The following HERC2 variants were observed in gnomAD, a reference collection of about 807,000 sequenced individuals.
The protein encoded by HERC2 is HECT and RLD domain containing E3 ubiquitin protein ligase 2.
HERC2 carries 102 observed loss-of-function variants against 537.7 expected under a neutral mutation model. The observed-to-expected ratio is 0.19, with a 90% CI of 0.16 to 0.22. The LOEUF is 0.22. Ranked by LOEUF, HERC2 falls within the 10% of genes least tolerant of loss-of-function variation. The pLI, the probability that HERC2 is intolerant of heterozygous loss-of-function variation, is 1.00. For synonymous variants in HERC2, 2,224 were observed against 2,466.2 expected (o/e 0.90, Z 2.91); for missense variants, 4,236 against 6,198.2 (o/e 0.68, Z 10.63).
At chr15:28,153,610 C>T (rs1344660721) in intron 69 of HERC2, among the ~76,000 whole-genome samples, 1 of 152,076 alleles carries the variant, frequency 6.6e-6, no homozygotes, top group African/African-American at 2.4e-5. Context: ...GAGACTGCAC[C>T]ACTGCACTCC....
At chr15:28,308,639 G>A (rs1239013521) in intron 2 of HERC2, among the ~76,000 whole-genome samples, 3 of 152,224 alleles carry the variant, frequency 2.0e-5, no homozygotes, top group African/African-American at 7.2e-5. Context: ...GATCTTAGAG[G>A]AAAGACTTTC....
intron 8 of HERC2, 141 bp downstream of exon 8, chr15:28,272,753 G>C (rs1414708327): frequency 1.5e-5 from 9 of 603,942 alleles, no homozygotes; most frequent in Non-Finnish European, 2.3e-5. Flanking sequence ...GGTAAAGAGA[G>C]AGAGCCCTGG....
intron 86 of HERC2, among the ~76,000 whole-genome samples, chr15:28,119,745 CCAA>C (rs1888676500): frequency 6.6e-6 from 1 of 152,140 alleles, no homozygotes; most frequent in Admixed American, 6.5e-5. Context: ...TGAGCCACCA[CCAA>C]CGACTAATAT....
chr15:28,138,410 T>C (rs1189553369), intron 78 of HERC2, among the ~76,000 whole-genome samples: 2 of 152,238 alleles, frequency 1.3e-5, no homozygotes, highest in South Asian at 2.1e-4. Context: ...ACTATATTAG[T>C]TGAATTCATT....
chr15:28,249,980 G>A (rs566336124), intron 20 of HERC2, among the ~76,000 whole-genome samples: 1 of 152,190 alleles, frequency 6.6e-6, no homozygotes, highest in East Asian at 1.9e-4. Context: ...TTATGTCAAT[G>A]TGAAAGCAAA....
rs1215772839 is a variant in HERC2 at position 28,220,744 on chromosome 15, C to T, written c.5653-100G>A. On this transcript the variant is annotated intron_variant, in intron 36 of 92. Coordinates refer to ENST00000261609, the MANE Select transcript of HERC2 (RefSeq NM_004667.6). ...CTCAGTTAGGAGGGTGCATGCCCTG[C>T]CCTGGTCCTTCCATGGCTCCCAGCA... 2.0e-5 allele frequency: 19 copies of T among 936,514 alleles called. No individual in the cohort carries two copies. In the African/African-American group the frequency reaches 2.8e-4, roughly 14 times the overall value. 58.0% of individuals were successfully genotyped at this position (936,514 alleles called of 1,614,324 possible). A position where few individuals can be genotyped will look rare whatever the true frequency, so the allele number is the denominator to read the frequency against.
chr15:28,127,326 T>A (rs1018602875), intron 83 of HERC2, among the ~76,000 whole-genome samples: 5 of 152,124 alleles, frequency 3.3e-5, no homozygotes. Context: ...GACCCCCACA[T>A]GCAAGGGGAG....
chr15:28,219,199 G>C (rs556901365), intron 37 of HERC2, among the ~76,000 whole-genome samples: 2 of 152,258 alleles, frequency 1.3e-5, no homozygotes, highest in Non-Finnish European at 2.9e-5. Flanking sequence ...TGAGCTGGCT[G>C]TGTCCTAGAT....
intron 65 of HERC2, among the ~76,000 whole-genome samples, chr15:28,173,032 T>C (rs887497658): frequency 6.6e-6 from 1 of 152,156 alleles, no homozygotes; most frequent in African/African-American, 2.4e-5. Context: ...GAAATGCAAA[T>C]TGAAACCACA....
chr15:28,213,718 G>A (rs1410268936), intron 42 of HERC2, 24 bp downstream of exon 42: 5 of 1,611,456 alleles, frequency 3.1e-6, no homozygotes, highest in Non-Finnish European at 4.2e-6. Context: ...TTATCATGCA[G>A]TAACTAAGCA....
intron 59 of HERC2, among the ~76,000 whole-genome samples, chr15:28,178,011 G>A (rs189711649): frequency 1.3e-5 from 2 of 152,294 alleles, no homozygotes; most frequent in Non-Finnish European, 1.5e-5. Flanking sequence ...CCTGCCTCAG[G>A]ATTAAAGGCA....
Position 28,117,174 on chromosome 15 carries a change from C to A in HERC2, c.13273-20G>T. ...TTTGACCTGGAGAGGAGGAAGCAAG[C>A]AAGCGTGAGGCCGCTGCCGCAGCAG... On this transcript the variant is annotated intron_variant, in intron 86 of 92. Transcript: ENST00000261609. 1 of 1,613,194 alleles carries A rather than the reference C, an allele frequency of 6.2e-7. No individual in the cohort carries two copies. The highest frequency in any genetic ancestry group is 8.5e-7 in the Non-Finnish European group (1 of 1,179,556).
At chr15:28,249,326 C>T (rs1904039209) in intron 20 of HERC2, among the ~76,000 whole-genome samples, 1 of 152,120 alleles carries the variant, frequency 6.6e-6, no homozygotes, top group African/African-American at 2.4e-5. Flanking sequence ...GGAAGGAAGA[C>T]CAAAGCAGGT....
At chr15:28,215,029 C>G (rs936614065) in intron 39 of HERC2, among the ~76,000 whole-genome samples, 2 of 152,086 alleles carry the variant, frequency 1.3e-5, no homozygotes, top group African/African-American at 2.4e-5. Flanking sequence ...CACCCACCAC[C>G]AAGCCCGGCT....
Position 28,218,729 on chromosome 15 carries a change from C to G in HERC2, c.5846-58G>C. 12 of 1,375,386 alleles carry G rather than the reference C, an allele frequency of 8.7e-6. No individual in the cohort carries two copies. The South Asian group carries it at 1.0e-4, about 12-fold the overall frequency. The allele number at this position is 1,375,386 out of a possible 1,614,324, so 85.2% of individuals were successfully genotyped here. Reference sequence around the variant, plus strand: ...TCCCAAGTAAAACTGGAAGATAGTCCTGCATATAATTCAACAGCTTTAATA... The same window carrying G: ...TCCCAAGTAAAACTGGAAGATAGTCGTGCATATAATTCAACAGCTTTAATA... On this transcript the variant is annotated intron_variant, in intron 37 of 92. Transcript: ENST00000261609.
Position 28,114,595 on chromosome 15 carries a change from G to A in HERC2, c.13913+17C>T. The stretch of plus-strand genomic sequence containing the variant: ...TTGCTATTTATGTCAATGCAACAGA[G>A]ACGGATGACCACCAACCTATAGTTT... On this transcript the variant is annotated intron_variant, in intron 90 of 92. Coordinates refer to ENST00000261609, the MANE Select transcript of HERC2 (RefSeq NM_004667.6). 6.2e-7 allele frequency: 1 copy of A among 1,608,868 alleles called. No individual in the cohort carries two copies. Among genetic ancestry groups the A allele is most frequent in the Non-Finnish European group, 8.5e-7 (1 of 1,176,250 alleles).
intron 70 of HERC2, among the ~76,000 whole-genome samples, chr15:28,151,049 G>A (rs1355784602): frequency 3.3e-5 from 5 of 152,166 alleles, no homozygotes; most frequent in African/African-American, 1.2e-4. Context: ...TCTTGTAGAT[G>A]CAGTATAATT....
At chr15:28,198,854 A>G in intron 48 of HERC2, 85 bp from the exon 49 acceptor site, 1 of 1,285,326 alleles carries the variant, frequency 7.8e-7, no homozygotes, top group Non-Finnish European at 1.1e-6. Context: ...TCTACTCTTA[A>G]TAAAGAATTC....
intron 41 of HERC2, 50 bp downstream of exon 41, chr15:28,214,026 C>G: frequency 1.9e-6 from 3 of 1,610,592 alleles, no homozygotes; most frequent in African/African-American, 2.7e-5. Flanking sequence ...GCTGCCCAAT[C>G]CCTACAGGTT....
Sources: allele counts gnomAD v4.1 joint callset (sites outside exome capture counted in the v4.1 genomes callset), GRCh38; gene constraint gnomAD v4.1.1; transcripts MANE v1.5; gene names NCBI Gene and HGNC (gene_info 2026-07-23, HGNC 2026-07-21).